EDA: variants seen among roughly 807,000 people sequenced by gnomAD.
EDA encodes the protein ectodysplasin-A.
Under a neutral mutation model 23.6 loss-of-function variants are expected in EDA, and 2 were observed. The observed-to-expected ratio is 0.08, with a 90% CI of 0.03 to 0.27. EDA has a LOEUF of 0.27. Among genes scored for constraint, EDA ranks in the 10% least tolerant of loss-of-function variants. The pLI, the probability that EDA is intolerant of heterozygous loss-of-function variation, is 1.00. For synonymous variants in EDA, 131 were observed against 132.0 expected (o/e 0.99, Z 0.05); for missense variants, 229 against 324.2 (o/e 0.71, Z 2.26).
At chrX:69,911,928 G>A (rs1296624373) in intron 1 of EDA, among the ~76,000 whole-genome samples, 2 of 112,082 alleles carry the variant, frequency 1.8e-5, no homozygotes, top group African/African-American at 3.2e-5. Flanking sequence ...AATAAAGTTC[G>A]CTGCATCAAT....
intron 1 of EDA, among the ~76,000 whole-genome samples, chrX:69,849,341 T>G: frequency 8.9e-6 from 1 of 112,043 alleles, no homozygotes; most frequent in African/African-American, 3.2e-5. Flanking sequence ...TTAAAAAATC[T>G]TAAATATTTG....
At chrX:69,636,421 C>T (rs993763321) in intron 1 of EDA, among the ~76,000 whole-genome samples, 3 of 110,164 alleles carry the variant, frequency 2.7e-5, no homozygotes, top group Admixed American at 9.8e-5. Flanking sequence ...TAGTAAATCA[C>T]CCAGTCTCAC....
chrX:69,902,323 T>C (rs536591537), intron 1 of EDA, among the ~76,000 whole-genome samples: 1 of 111,939 alleles, frequency 8.9e-6, no homozygotes, highest in African/African-American at 3.2e-5. Flanking sequence ...CACTCCCTGA[T>C]TGACAAAGCT....
intron 1 of EDA, among the ~76,000 whole-genome samples, chrX:69,856,536 G>T (rs933970617): frequency 2.7e-5 from 3 of 110,091 alleles, no homozygotes; most frequent in Non-Finnish European, 5.7e-5. Flanking sequence ...GTTATTTTTT[G>T]ATTTTTTAAT....
At chrX:69,713,011 A>T (rs1427356370) in intron 1 of EDA, among the ~76,000 whole-genome samples, 1 of 99,025 alleles carries the variant, frequency 1.0e-5, no homozygotes, top group Non-Finnish European at 2.0e-5. Context: ...GGAATTGAAC[A>T]ATGAGAACAC....
intron 1 of EDA, among the ~76,000 whole-genome samples, chrX:69,694,410 T>C (rs1470575020): frequency 8.9e-6 from 1 of 112,287 alleles, no homozygotes; most frequent in Non-Finnish European, 1.9e-5. Context: ...TAATTCTTGT[T>C]CTGCGTTTGG....
chrX:69,666,861 T>C (rs1476072761), intron 1 of EDA, among the ~76,000 whole-genome samples: 2 of 111,744 alleles, frequency 1.8e-5, no homozygotes, highest in Non-Finnish European at 3.8e-5. Flanking sequence ...TTAAGAAGTA[T>C]TGGTGTTAAT....
intron 1 of EDA, among the ~76,000 whole-genome samples, chrX:69,639,701 C>A (rs1029551962): frequency 1.8e-5 from 2 of 111,603 alleles, no homozygotes; most frequent in African/African-American, 6.5e-5. Context: ...TATTTTCTCC[C>A]ATTTTGTGGA....
chrX:69,765,205 C>G (rs907007447), intron 1 of EDA, among the ~76,000 whole-genome samples: 2 of 112,088 alleles, frequency 1.8e-5, no homozygotes, highest in African/African-American at 6.5e-5. Context: ...ATTGGCTTAC[C>G]TATTCATTCA....
intron 2 of EDA, among the ~76,000 whole-genome samples, chrX:70,022,425 C>T (rs2020048021): frequency 9.1e-6 from 1 of 109,690 alleles, no homozygotes; most frequent in South Asian, 3.9e-4. Flanking sequence ...CAAGCTCCAC[C>T]TCCCAGGTTC....
intron 1 of EDA, among the ~76,000 whole-genome samples, chrX:69,935,727 GA>G (rs2018663240): frequency 9.1e-6 from 1 of 109,757 alleles, no homozygotes; most frequent in African/African-American, 3.3e-5. Context: ...AATGATTACC[GA>G]AAAGTCTTCC....
intron 2 of EDA, chrX:70,022,848 C>T (rs2020055114): frequency 7.8e-6 from 1 of 128,895 alleles, no homozygotes; most frequent in Non-Finnish European, 1.6e-5. Flanking sequence ...ATCAGATTCT[C>T]ACCTGAACGC....
At chrX:69,874,537 A>G (rs2017614981) in intron 1 of EDA, among the ~76,000 whole-genome samples, 1 of 111,608 alleles carries the variant, frequency 9.0e-6, no homozygotes, top group Non-Finnish European at 1.9e-5. Context: ...AGCCAACATT[A>G]TACTGAATGG....
chrX:69,900,347 C>A (rs754560011), intron 1 of EDA, among the ~76,000 whole-genome samples: 148 of 107,878 alleles, frequency 1.4e-3, no homozygotes, highest in African/African-American at 4.9e-3. Context: ...ATATATATAT[C>A]AAACATTGGG....
intron 1 of EDA, among the ~76,000 whole-genome samples, chrX:69,793,548 T>TTTTG (rs796850294): frequency 2.0e-5 from 2 of 100,052 alleles, no homozygotes; most frequent in African/African-American, 7.5e-5. Flanking sequence ...GAATGGAGCT[T>TTTTG]TTTGTTTGTT....
intron 1 of EDA, among the ~76,000 whole-genome samples, chrX:69,655,334 C>T (rs747482870): frequency 3.6e-5 from 4 of 110,787 alleles, no homozygotes; most frequent in South Asian, 3.9e-4. Flanking sequence ...CAGAGGTTGG[C>T]GGTGAGCCGA....
intron 1 of EDA, among the ~76,000 whole-genome samples, chrX:69,745,634 C>G (rs1345388425): frequency 1.8e-5 from 2 of 112,016 alleles, no homozygotes; most frequent in Non-Finnish European, 3.8e-5. Flanking sequence ...GTTGACTTAT[C>G]AGTGTTCCAA....
At chrX:69,619,798 C>T (rs776418821) in intron 1 of EDA, among the ~76,000 whole-genome samples, 1 of 111,716 alleles carries the variant, frequency 9.0e-6, no homozygotes, top group Admixed American at 9.5e-5. Flanking sequence ...GATGTTGCGC[C>T]GGTTGTGATT....
intron 1 of EDA, among the ~76,000 whole-genome samples, chrX:69,767,438 T>C (rs867429859): frequency 2.7e-5 from 3 of 110,959 alleles, no homozygotes; most frequent in African/African-American, 9.8e-5. Context: ...AGTTTGCATA[T>C]TCTAGAATTT....
Sources: gnomAD v4.1 joint callset for allele counts (sites outside exome capture counted in the v4.1 genomes callset) on GRCh38, gnomAD v4.1.1 for gene constraint, MANE v1.5 for transcripts, NCBI Gene and HGNC (gene_info 2026-07-23, HGNC 2026-07-21) for gene names.